PML: variants seen among roughly 807,000 people sequenced by gnomAD.
The protein encoded by PML is PML nuclear body scaffold.
PML carries 28 observed loss-of-function variants against 65.2 expected under a neutral mutation model. The ratio of observed to expected loss-of-function variants is 0.43; its 90% CI spans 0.32 to 0.59. The LOEUF (loss-of-function observed/expected upper bound fraction) is 0.59, where lower values mean the gene tolerates loss of function less well. PML is among the 20% of genes least tolerant of loss of function. PML has a pLI of 0.08. For missense variants in PML, 1,021 were observed against 1,203.4 expected (o/e 0.85, Z 2.24); for synonymous variants, 500 against 508.8 (o/e 0.98, Z 0.23).
chr15:74,047,139 A>C lies in PML; in HGVS notation c.*2131A>C, dbSNP rs758706044. 9.5e-5 allele frequency: 22 copies of C among 230,780 alleles called. No homozygotes were observed. The highest frequency in any genetic ancestry group is 1.9e-4 in the Non-Finnish European group (22 of 116,538). 14.3% of individuals were successfully genotyped at this position (230,780 alleles called of 1,614,324 possible). On this transcript the variant is annotated 3_prime_UTR_variant, in exon 9 of 9. Coordinates refer to ENST00000268058, the MANE Select transcript of PML (RefSeq NM_033238.3). The stretch of plus-strand genomic sequence containing the variant: ...TGCAGGAACTTTGCCACTGCCCTTC[A>C]CTGGCTAATCCTGTACTTCTCTCTG...
intron 2 of PML, among the ~76,000 whole-genome samples, chr15:74,007,213 A>G (rs2070103046): frequency 6.6e-6 from 1 of 152,124 alleles, no homozygotes; most frequent in East Asian, 1.9e-4. Context: ...GAGTCAAAAG[A>G]GTTTCTGTTT....
chr15:74,007,032 G>A (rs1316864359), intron 2 of PML, among the ~76,000 whole-genome samples: 6 of 152,224 alleles, frequency 3.9e-5, no homozygotes, highest in African/African-American at 1.4e-4. Flanking sequence ...ACTTCAACAT[G>A]AGATTTGGTA....
Position 74,043,405 on chromosome 15 carries a change from C to T in PML, c.1861+266C>T, listed in dbSNP as rs2141897201. 7.0e-7 allele frequency: 1 copy of T among 1,419,828 alleles called. No homozygotes were observed. Among genetic ancestry groups the T allele is most frequent in the Non-Finnish European group, 9.2e-7 (1 of 1,091,456 alleles). The allele number at this position is 1,419,828 out of a possible 1,614,324, so 88.0% of individuals were successfully genotyped here. A position where few individuals can be genotyped will look rare whatever the true frequency, so the allele number is the denominator to read the frequency against. On this transcript the variant is annotated intron_variant, in intron 8 of 8. Coordinates refer to ENST00000268058, the MANE Select transcript of PML (RefSeq NM_033238.3). This position sits in a 1 kb window ranked among gnomAD's most constrained non-coding sequence, Gnocchi z 4.3. The stretch of plus-strand genomic sequence containing the variant: ...GTGCACCTCTGACCAGTTCTTCTCT[C>T]AGACAGAGAGCCTGGGGAACACACT...
intron 2 of PML, among the ~76,000 whole-genome samples, chr15:74,010,927 A>G (rs556936291): frequency 6.6e-6 from 1 of 152,366 alleles, no homozygotes; most frequent in East Asian, 1.9e-4. Context: ...TATAAGTTGC[A>G]TCTAAAACAA....
At chr15:74,013,317 C>A (rs982519844) in intron 2 of PML, among the ~76,000 whole-genome samples, 1 of 152,100 alleles carries the variant, frequency 6.6e-6, no homozygotes, top group African/African-American at 2.4e-5. Flanking sequence ...AACAGTACTA[C>A]TACCATTTAG....
Position 74,023,013 on chromosome 15 carries a change from C to T in PML, c.788C>T (p.Ala263Val), listed in dbSNP as rs2070910168. 2.5e-6 allele frequency: 4 copies of T among 1,607,344 alleles called. No homozygotes were observed. Among genetic ancestry groups the T allele is most frequent in the East Asian group, 2.2e-5 (1 of 44,786 alleles). Residue 263 changes from alanine to valine, a missense_variant, in exon 3 of 9, where the codon GCG (alanine) becomes GTG (valine). Coordinates refer to ENST00000268058, the MANE Select transcript of PML (RefSeq NM_033238.3). ...AFGAVHAQMH[A>V]AVGQLGRARA... ...GGCGCGGTTCACGCGCAGATGCACG[C>T]GGCCGTCGGCCAGCTGGGCCGCGCG...
At chr15:74,025,395 G>A in intron 4 of PML, 1 of 179,456 alleles carries the variant, frequency 5.6e-6, no homozygotes, top group East Asian at 1.4e-4. Flanking sequence ...AGAATAGGTG[G>A]GCCTTCCCCT....
At position 74,035,569 on chromosome 15, in the gene PML, A is replaced by G; in HGVS notation, c.1710+1039A>G. On this transcript the variant is annotated intron_variant, in intron 7 of 8. Coordinates refer to ENST00000268058, the MANE Select transcript of PML (RefSeq NM_033238.3). The surrounding 1 kb of genome is among the most constrained non-coding windows in gnomAD (Gnocchi z 4.1). Reference sequence around the variant, plus strand: ...ACTCCTGCCATCACAGGGCCCCTCAACCATCCTGCCAATGCCCAGGAACAT... The same window carrying G: ...ACTCCTGCCATCACAGGGCCCCTCAGCCATCCTGCCAATGCCCAGGAACAT... 1 of 1,611,176 alleles carries G rather than the reference A, an allele frequency of 6.2e-7. No individual in the cohort carries two copies. Among genetic ancestry groups the G allele is most frequent in the Non-Finnish European group, 8.5e-7 (1 of 1,179,632 alleles).
At chr15:74,006,828 A>G (rs2070082519) in intron 2 of PML, among the ~76,000 whole-genome samples, 1 of 152,168 alleles carries the variant, frequency 6.6e-6, no homozygotes, top group Admixed American at 6.5e-5. Context: ...GCATGGCAAG[A>G]GGGGAGCAAG....
At position 74,037,548 on chromosome 15, in the gene PML, CCTT is replaced by C. The variant is rs2071598649; in HGVS notation, c.1710+3019_1710+3021del. Reference sequence around the variant, plus strand: ...CTGTCGGCTCCCCTTCCTCTGCTCTCCTTGTTTACACTTCAGCCCCCTCCTTGC... The same window carrying C: ...CTGTCGGCTCCCCTTCCTCTGCTCTCGTTTACACTTCAGCCCCCTCCTTGC... On this transcript the variant is annotated intron_variant, in intron 7 of 8. Coordinates refer to ENST00000268058, the MANE Select transcript of PML (RefSeq NM_033238.3). This position sits in a 1 kb window ranked among gnomAD's most constrained non-coding sequence, Gnocchi z 4.2. 1.0e-6 allele frequency: 1 copy of C among 985,294 alleles called. No homozygotes were observed. Among genetic ancestry groups the C allele is most frequent in the Non-Finnish European group, 1.2e-6 (1 of 829,934 alleles). 61.0% of individuals were successfully genotyped at this position (985,294 alleles called of 1,614,324 possible).
intron 2 of PML, among the ~76,000 whole-genome samples, chr15:74,019,639 C>CA (rs2070747771): frequency 6.6e-6 from 1 of 152,180 alleles, no homozygotes; most frequent in South Asian, 2.1e-4. Flanking sequence ...CATTCTTACA[C>CA]AAAAGGTAGC....
In PML at chr15:74,037,501, C is replaced by T; in HGVS notation, c.1710+2971C>T. 1 of 985,280 alleles carries T rather than the reference C, an allele frequency of 1.0e-6. No homozygotes were observed. Among genetic ancestry groups the T allele is most frequent in the Non-Finnish European group, 1.2e-6 (1 of 829,878 alleles). The allele number at this position is 985,280 out of a possible 1,614,324, so 61.0% of individuals were successfully genotyped here. On this transcript the variant is annotated intron_variant, in intron 7 of 8. Transcript: ENST00000268058. The surrounding 1 kb of genome is among the most constrained non-coding windows in gnomAD (Gnocchi z 4.2). Reference sequence around the variant, plus strand: ...ATGAGGTCTTTCTCATCTCAGAAAACTCCACCCACTTCTCTCTCCAGCTGT... The same window carrying T: ...ATGAGGTCTTTCTCATCTCAGAAAATTCCACCCACTTCTCTCTCCAGCTGT...
chr15:74,007,332 AT>A (rs1297952836), intron 2 of PML, among the ~76,000 whole-genome samples: 2 of 152,096 alleles, frequency 1.3e-5, no homozygotes, highest in Non-Finnish European at 2.9e-5. Context: ...GGAGTGGCAT[AT>A]TTTTATCCCT....
chr15:74,036,094 G>A, intron 7 of PML: 1 of 1,613,576 alleles, frequency 6.2e-7, no homozygotes, highest in Non-Finnish European at 8.5e-7. Context: ...CGAATGAATG[G>A]CTATGCATGG....
chr15:74,037,483 C>A lies in PML; in HGVS notation c.1710+2953C>A, dbSNP rs1191154059. The A allele has an allele frequency of 2.0e-6, 2 of 985,200 alleles. No homozygotes were observed. Among genetic ancestry groups the A allele is most frequent in the Non-Finnish European group, 2.4e-6 (2 of 829,902 alleles). 61.0% of individuals were successfully genotyped at this position (985,200 alleles called of 1,614,324 possible). Reference sequence around the variant, plus strand: ...CTGAACTAAACACCCTGAATGAGGTCTTTCTCATCTCAGAAAACTCCACCC... The same window carrying A: ...CTGAACTAAACACCCTGAATGAGGTATTTCTCATCTCAGAAAACTCCACCC... On this transcript the variant is annotated intron_variant, in intron 7 of 8. Coordinates refer to ENST00000268058, the MANE Select transcript of PML (RefSeq NM_033238.3). This position sits in a 1 kb window ranked among gnomAD's most constrained non-coding sequence, Gnocchi z 4.2.
In PML at chr15:74,043,051, C is replaced by T; in HGVS notation, c.1773C>T (p.Ser591=). Residue 591 remains serine (S), a synonymous_variant, in exon 8 of 9, where the codon AGC becomes AGT. Transcript: ENST00000268058. The surrounding 1 kb of genome is among the most constrained non-coding windows in gnomAD (Gnocchi z 4.3). The stretch of plus-strand genomic sequence containing the variant: ...GTGACCTCCAGCTGGAAGGCCCCAG[C>T]ACCCTCAGGGTCCTGGACGAGAACC... ...ESSDLQLEGP[S]TLRVLDENLA... The T allele has an allele frequency of 1.2e-6, 2 of 1,613,564 alleles. No homozygotes were observed. Among genetic ancestry groups the T allele is most frequent in the Non-Finnish European group, 1.7e-6 (2 of 1,179,884 alleles).
rs2141899510 is a variant in PML, at chr15:74,045,840, T to C, written c.*832T>C. On this transcript the variant is annotated 3_prime_UTR_variant, in exon 9 of 9. Transcript: ENST00000268058. ...GGCATCAGCATCCCCTGGGAGCTTCTTAGAAATGCAGACCTGTGGGCTCTA... is the reference window on the plus strand; with the variant it reads ...GGCATCAGCATCCCCTGGGAGCTTCCTAGAAATGCAGACCTGTGGGCTCTA... The C allele has an allele frequency of 8.6e-6, 2 of 232,390 alleles. No homozygotes were observed. Among genetic ancestry groups the C allele is most frequent in the South Asian group, 3.6e-4 (2 of 5,518 alleles). The allele number at this position is 232,390 out of a possible 1,614,324, so 14.4% of individuals were successfully genotyped here.
intron 2 of PML, among the ~76,000 whole-genome samples, chr15:74,002,651 T>A (rs2069833129): frequency 6.6e-6 from 1 of 150,862 alleles, no homozygotes; most frequent in Admixed American, 6.6e-5. Flanking sequence ...AGAAGGGGTT[T>A]CATTATGTTG....
intron 3 of PML, 145 bp from the exon 4 acceptor site, chr15:74,024,711 AG>A: frequency 1.4e-6 from 1 of 703,042 alleles, no homozygotes; most frequent in Non-Finnish European, 2.6e-6. Flanking sequence ...CTGCCCCTCC[AG>A]GGAGTTGTCC....
Sources: allele counts gnomAD v4.1 joint callset (sites outside exome capture counted in the v4.1 genomes callset), GRCh38; gene constraint gnomAD v4.1.1; non-coding constraint Gnocchi (gnomAD v3.1); transcripts MANE v1.5; gene names NCBI Gene and HGNC (gene_info 2026-07-23, HGNC 2026-07-21).